ARID5A: variants seen among roughly 807,000 people sequenced by gnomAD.
ARID5A encodes AT-rich interactive domain-containing protein 5A.
A neutral mutation model predicts 30.5 loss-of-function variants in ARID5A; 14 were observed. The observed-to-expected ratio is 0.46, with a 90% CI of 0.30 to 0.72. The LOEUF (loss-of-function observed/expected upper bound fraction) is 0.72. ARID5A is among the 30% of genes least tolerant of loss of function. The pLI, the probability that ARID5A is intolerant of heterozygous loss-of-function variation, is 0.07. For synonymous variants in ARID5A, 338 were observed against 340.4 expected (o/e 0.99, Z 0.08); for missense variants, 669 against 786.2 (o/e 0.85, Z 1.78).
In ARID5A at chr2:96,552,192, C is replaced by T; in HGVS notation, c.1664C>T (p.Pro555Leu). The stretch of plus-strand genomic sequence containing the variant: ...ATGGCCGCTGGCCTGATGCACTTCC[C>T]CCCAACGTCCTTCGACAGTGCCCTC... ...SPMAAGLMHFPPTSFDSALRH... is the reference protein window; with the variant it reads ...SPMAAGLMHFLPTSFDSALRH... Residue 555 changes from proline (P) to leucine (L), a missense_variant, in exon 7 of 7, where the codon CCC becomes CTC. Around this residue, in one of 4 missense-constraint regions of ARID5A, gnomAD observed 548 missense variants for 577.4 expected, o/e 0.95. Coordinates refer to ENST00000357485, the MANE Select transcript of ARID5A (RefSeq NM_212481.3). 2 of 1,613,528 alleles carry T rather than the reference C, an allele frequency of 1.2e-6. No individual in the cohort carries two copies. Among genetic ancestry groups the T allele is most frequent in the Admixed American group, 1.7e-5 (1 of 60,020 alleles).
chr2:96,539,709 G>A lies in ARID5A; in HGVS notation c.4+2879G>A, dbSNP rs919988458. Reference sequence around the variant, plus strand: ...TTGATTCATAGAGTGTGGGGGCCATGCCCCTTCCCGGCCCTCCCCCTCTCC... The same window carrying A: ...TTGATTCATAGAGTGTGGGGGCCATACCCCTTCCCGGCCCTCCCCCTCTCC... On this transcript the variant is annotated intron_variant, in intron 1 of 6. Coordinates refer to ENST00000357485, the MANE Select transcript of ARID5A (RefSeq NM_212481.3). This position sits in a 1 kb window ranked among gnomAD's most constrained non-coding sequence, Gnocchi z 4.7. Among the ~76,000 whole-genome samples the A allele has an allele frequency of 6.6e-6, 1 of 152,038 alleles. No individual in the cohort carries two copies. The highest frequency in any genetic ancestry group is 3.4e-3 in the Middle Eastern group (1 of 294).
In ARID5A at chr2:96,549,596, C is replaced by T; in HGVS notation, c.259+137C>T. The T allele has an allele frequency of 6.7e-7, 1 of 1,482,798 alleles. No individual in the cohort carries two copies. The highest frequency in any genetic ancestry group is 1.4e-5 in the African/African-American group (1 of 72,380). 91.9% of individuals were successfully genotyped at this position (1,482,798 alleles called of 1,614,324 possible). On this transcript the variant is annotated intron_variant, in intron 3 of 6. Transcript: ENST00000357485. This position sits in a 1 kb window ranked among gnomAD's most constrained non-coding sequence, Gnocchi z 6.1. ...GGCCTCCCTCCAGGCTGCCACTGGG[C>T]CAGGGGTGCACAGGGCACAGCCTGC...
At chr2:96,545,510 A>G (rs776693041) in intron 1 of ARID5A, among the ~76,000 whole-genome samples, 2 of 152,230 alleles carry the variant, frequency 1.3e-5, no homozygotes, top group Non-Finnish European at 1.5e-5. Flanking sequence ...AACATTGTCA[A>G]AATGACAACA....
intron 2 of ARID5A, among the ~76,000 whole-genome samples, chr2:96,547,804 C>T (rs1057201560): frequency 2.0e-5 from 3 of 152,214 alleles, no homozygotes; most frequent in African/African-American, 7.2e-5. Flanking sequence ...CACATCCATT[C>T]ATTCAGATGC....
intron 1 of ARID5A, among the ~76,000 whole-genome samples, chr2:96,540,447 TC>T (rs960416424): frequency 2.0e-5 from 3 of 152,128 alleles, no homozygotes; most frequent in Non-Finnish European, 4.4e-5. Flanking sequence ...TCGGCCCTCT[TC>T]CCAGCAGTGA....
intron 1 of ARID5A, among the ~76,000 whole-genome samples, chr2:96,540,643 C>A (rs943773779): frequency 2.6e-5 from 4 of 152,242 alleles, no homozygotes; most frequent in African/African-American, 7.2e-5. Flanking sequence ...TATGGAGACA[C>A]ATGGTCCTGA....
Position 96,551,927 on chromosome 2 carries a change from A to G in ARID5A, c.1399A>G (p.Lys467Glu), listed in dbSNP as rs920373074. 3 of 1,524,388 alleles carry G rather than the reference A, an allele frequency of 2.0e-6. No individual in the cohort carries two copies. Among genetic ancestry groups the G allele is most frequent in the Admixed American group, 2.2e-5 (1 of 45,546 alleles). 94.4% of individuals were successfully genotyped at this position (1,524,388 alleles called of 1,614,324 possible). The change falls in exon 7 of 7, where the codon AAG becomes GAG. Residue 467 changes from lysine to glutamate, a missense_variant. Physicochemically the swap from Lys to Glu is moderately conservative, Grantham distance 56 (BLOSUM62 1). This residue lies in a region of ARID5A where 548 missense variants were observed against 577.4 expected (regional missense o/e 0.95). Transcript: ENST00000357485. ...KRLRAVSPFL[K>E]EADAKKCGAK... is the part of the protein sequence containing the mutation. ...ACTGCGGGCCGTGTCTCCCTTTCTT[A>G]AGGAGGCGGATGCCAAGAAGTGTGG...
In ARID5A at chr2:96,550,103, A is replaced by G; in HGVS notation, c.313-85A>G. The G allele has an allele frequency of 6.5e-7, 1 of 1,531,670 alleles. No individual in the cohort carries two copies. Among genetic ancestry groups the G allele is most frequent in the Admixed American group, 2.0e-5 (1 of 50,862 alleles). The allele number at this position is 1,531,670 out of a possible 1,614,324, so 94.9% of individuals were successfully genotyped here. A position where few individuals can be genotyped will look rare whatever the true frequency, so the allele number is the denominator to read the frequency against. ...GCAGCTGCCAAACTGCAGTCCTTCG[A>G]GTCCCTGCGAGGGCGGCCGGAGCTG... On this transcript the variant is annotated intron_variant, in intron 4 of 6. Transcript: ENST00000357485. The surrounding 1 kb of genome is among the most constrained non-coding windows in gnomAD (Gnocchi z 6.6).
At chr2:96,536,853 C>T (rs898818760) in intron 1 of ARID5A, 23 bp downstream of exon 1, 10 of 1,226,420 alleles carry the variant, frequency 8.2e-6, no homozygotes, top group Non-Finnish European at 8.1e-6. Context: ...GCGGCGCGGC[C>T]CGGACAGGGG....
In ARID5A at chr2:96,552,377, G is replaced by T. The variant is rs1377828189; in HGVS notation, c.*64G>T. 8 of 1,604,836 alleles carry T rather than the reference G, an allele frequency of 5.0e-6. No homozygotes were observed. In the African/African-American group the frequency reaches 9.4e-5, roughly 19 times the overall value. On this transcript the variant is annotated 3_prime_UTR_variant, in exon 7 of 7. Coordinates refer to ENST00000357485, the MANE Select transcript of ARID5A (RefSeq NM_212481.3). ...GGGCCTACAACAGGCAGGTACTGCTGCCAGGGGGCTCTGAACTAGTGCCTG... is the reference window on the plus strand; with the variant it reads ...GGGCCTACAACAGGCAGGTACTGCTTCCAGGGGGCTCTGAACTAGTGCCTG...
rs753383187 is a variant in ARID5A, at chr2:96,552,084, A to G, written c.1556A>G (p.Lys519Arg). 8.2e-6 allele frequency: 13 copies of G among 1,594,124 alleles called. No individual in the cohort carries two copies. Among genetic ancestry groups the G allele is most frequent in the Non-Finnish European group, 1.1e-5 (13 of 1,170,136 alleles). ...TTCACTGGCACCCCGGGCCCCTTGA[A>G]GGGCCAGGCTGCACTCCCCTTCAGC... ...LNFTGTPGPL[K>R]GQAALPFSPL... is the part of the protein sequence containing the mutation. Residue 519 changes from lysine to arginine, a missense_variant, in exon 7 of 7, where the codon AAG (lysine) becomes AGG (arginine). Physicochemically the swap from Lys to Arg is conservative, Grantham distance 26. Transcript: ENST00000357485.
intron 1 of ARID5A, among the ~76,000 whole-genome samples, chr2:96,546,071 A>G (rs1473473850): frequency 6.6e-6 from 1 of 152,214 alleles, no homozygotes; most frequent in Non-Finnish European, 1.5e-5. Flanking sequence ...GCAGCCATCA[A>G]CATGGAGGGA....
rs964818541 is a variant in ARID5A, at chr2:96,550,378, C to T, written c.410+93C>T. 8.4e-6 allele frequency: 12 copies of T among 1,426,488 alleles called. No homozygotes were observed. The highest frequency in any genetic ancestry group is 1.1e-5 in the Non-Finnish European group (12 of 1,096,074). The allele number at this position is 1,426,488 out of a possible 1,614,324, so 88.4% of individuals were successfully genotyped here. On this transcript the variant is annotated intron_variant, in intron 5 of 6. Coordinates refer to ENST00000357485, the MANE Select transcript of ARID5A (RefSeq NM_212481.3). This position sits in a 1 kb window ranked among gnomAD's most constrained non-coding sequence, Gnocchi z 6.6. ...AGGGCCGGGTGGACTCTGCCCGGAG[C>T]GGGCAGGGTATGCGCCGTCCTCAGA...
At position 96,551,977 on chromosome 2, in the gene ARID5A, G is replaced by A; in HGVS notation, c.1449G>A (p.Leu483=). ...GGGCCAAACCTGCAGGGTCCGGCCT[G>A]GTCTCCTGCCTTCTGGGCCCAGCCC... ...KCGAKPAGSG[L]VSCLLGPALG... is the part of the protein sequence containing the mutation. The change falls in exon 7 of 7, where the codon CTG becomes CTA. Residue 483 remains leucine, a synonymous_variant. Transcript: ENST00000357485. 1 of 1,519,780 alleles carries A rather than the reference G, an allele frequency of 6.6e-7. No individual in the cohort carries two copies. 94.1% of individuals were successfully genotyped at this position (1,519,780 alleles called of 1,614,324 possible). A position where few individuals can be genotyped will look rare whatever the true frequency, so the allele number is the denominator to read the frequency against.
Position 96,550,316 on chromosome 2 carries a change from C to T in ARID5A, c.410+31C>T. On this transcript the variant is annotated intron_variant, in intron 5 of 6. Transcript: ENST00000357485. The surrounding 1 kb of genome is among the most constrained non-coding windows in gnomAD (Gnocchi z 6.6). ...GCGGGGCGGGCCCGGGTGCTGGACG[C>T]CGCCTACCCTGCGGGGCTTTGGCCG... 1 of 1,428,464 alleles carries T rather than the reference C, an allele frequency of 7.0e-7. No homozygotes were observed. The highest frequency in any genetic ancestry group is 9.1e-7 in the Non-Finnish European group (1 of 1,099,552). The allele number at this position is 1,428,464 out of a possible 1,614,324, so 88.5% of individuals were successfully genotyped here.
In ARID5A at chr2:96,549,155, C is replaced by T. The variant is rs1479021302; in HGVS notation, c.121-166C>T. On this transcript the variant is annotated intron_variant, in intron 2 of 6. Coordinates refer to ENST00000357485, the MANE Select transcript of ARID5A (RefSeq NM_212481.3). The surrounding 1 kb of genome is among the most constrained non-coding windows in gnomAD (Gnocchi z 6.1). ...GCTGAGAGCTGACACCTGTGTCTGC[C>T]GAACCCAGGAACAGTCACTCCCTCC... 3.3e-5 allele frequency among the ~76,000 whole-genome samples: 5 copies of T among 152,128 alleles called. No homozygotes were observed. Among genetic ancestry groups the T allele is most frequent in the South Asian group, 2.1e-4 (1 of 4,822 alleles).
At chr2:96,547,350 A>T in intron 1 of ARID5A, 52 bp from the exon 2 acceptor site, 1 of 1,503,634 alleles carries the variant, frequency 6.7e-7, no homozygotes, top group Non-Finnish European at 9.2e-7. Flanking sequence ...CTTGCATCTC[A>T]TATGCTCTCT....
At position 96,550,839 on chromosome 2, in the gene ARID5A, T is replaced by C. The variant is rs1264455410; in HGVS notation, c.570+106T>C. ...CTGTCTGCTCAGAATACACAGAACC[T>C]GCACCCAGGGCGGGACTTGCAAGGT... On this transcript the variant is annotated intron_variant, in intron 6 of 6. Transcript: ENST00000357485. This position sits in a 1 kb window ranked among gnomAD's most constrained non-coding sequence, Gnocchi z 6.6. 6.3e-6 allele frequency: 9 copies of C among 1,421,296 alleles called. No homozygotes were observed. In the South Asian group the frequency reaches 7.4e-5, roughly 12 times the overall value. 88.0% of individuals were successfully genotyped at this position (1,421,296 alleles called of 1,614,324 possible).
intron 1 of ARID5A, among the ~76,000 whole-genome samples, chr2:96,540,131 C>G (rs373857433): frequency 2.0e-4 from 31 of 152,292 alleles, no homozygotes; most frequent in East Asian, 7.7e-4. Context: ...GATGCCTAGC[C>G]CACACCAGCC....
Sources: gnomAD v4.1 joint callset for allele counts (sites outside exome capture counted in the v4.1 genomes callset) on GRCh38, gnomAD v4.1.1 for gene constraint, gnomAD v4.1.1 regional missense constraint, Gnocchi (gnomAD v3.1) non-coding constraint, MANE v1.5 for transcripts, NCBI Gene and HGNC (gene_info 2026-07-23, HGNC 2026-07-21) for gene names.